Variants in TENT2 observed in about 807,000 individuals in gnomAD.
TENT2 encodes terminal nucleotidyltransferase 2.
In TENT2, 44 loss-of-function variants were observed where a neutral mutation model predicts 72.2. That is an observed-to-expected ratio of 0.61 (90% CI 0.48 to 0.78). The LOEUF is 0.78. Among genes scored for constraint, TENT2 ranks in the 30% least tolerant of loss-of-function variants. TENT2 has a pLI of 0.00. For synonymous variants in TENT2, 212 were observed against 192.5 expected, an observed-to-expected ratio of 1.10 and a Z score of -0.84; for missense variants, 541 against 569.6, an observed-to-expected ratio of 0.95 and a Z score of 0.51.
At chr5:79,668,742 T>C (rs1303644660) in intron 11 of TENT2, 150 bp from the exon 12 acceptor site, 15 of 783,474 alleles carry the variant, frequency 1.9e-5, no homozygotes, top group Admixed American at 2.7e-5. Flanking sequence ...GTGAAGTCTT[T>C]AGTGGAAGAA....
chr5:79,647,856 G>T (rs899046515), intron 8 of TENT2, among the ~76,000 whole-genome samples: 4 of 151,994 alleles, frequency 2.6e-5, no homozygotes, highest in African/African-American at 9.7e-5. Flanking sequence ...GCATATATTT[G>T]CTTTCAAAGA....
Position 79,682,040 on chromosome 5 carries a change from G to T in TENT2, c.1359G>T (p.Met453Ile). 6.2e-7 allele frequency: 1 copy of T among 1,612,718 alleles called. No homozygotes were observed. Among genetic ancestry groups the T allele is most frequent in the Non-Finnish European group, 8.5e-7 (1 of 1,179,136 alleles). ...RAVHEKQKFD[M>I]IKDQFLKSWH... Reference sequence around the variant, plus strand: ...TGCACGAAAAGCAGAAATTTGATATGATCAAGGATCAATTTTTAAAGGTAA... The same window carrying T: ...TGCACGAAAAGCAGAAATTTGATATTATCAAGGATCAATTTTTAAAGGTAA... Residue 453 changes from methionine (M) to isoleucine (I), a missense_variant, in exon 14 of 15, where the codon ATG (methionine) becomes ATT (isoleucine). Coordinates refer to ENST00000453514, the MANE Select transcript of TENT2 (RefSeq NM_001114394.3).
intron 13 of TENT2, chr5:79,681,769 C>T: frequency 2.5e-6 from 1 of 406,828 alleles, no homozygotes; most frequent in African/African-American, 2.0e-5. Context: ...TGATCACCCT[C>T]TCCCTTGAAT....
chr5:79,644,369 T>A (rs115403803), intron 7 of TENT2, among the ~76,000 whole-genome samples: 2,770 of 152,332 alleles, frequency 0.018, 94 homozygotes, highest in African/African-American at 0.062. Flanking sequence ...TTTCTGTAGT[T>A]AAAAAATGAG....
At chr5:79,618,687 AGT>A (rs1762390012) in intron 1 of TENT2, among the ~76,000 whole-genome samples, 1 of 152,032 alleles carries the variant, frequency 6.6e-6, no homozygotes, top group Admixed American at 6.5e-5. Flanking sequence ...GCCTATTTTA[AGT>A]GAGAATATCA....
intron 12 of TENT2, among the ~76,000 whole-genome samples, chr5:79,674,850 A>T (rs1341252067): frequency 6.6e-6 from 1 of 152,224 alleles, no homozygotes; most frequent in African/African-American, 2.4e-5. Flanking sequence ...ATCCAATGGA[A>T]TGTGGTATCT....
chr5:79,647,424 A>G (rs1376675894), intron 8 of TENT2, among the ~76,000 whole-genome samples: 1 of 152,208 alleles, frequency 6.6e-6, no homozygotes, highest in Admixed American at 6.5e-5. Context: ...TTGAGTTACT[A>G]TGTGGATGTA....
At chr5:79,643,197 G>A (rs1217195983) in intron 7 of TENT2, among the ~76,000 whole-genome samples, 21 of 152,040 alleles carry the variant, frequency 1.4e-4, no homozygotes, top group Admixed American at 1.4e-3. Flanking sequence ...GGTTGTTAGG[G>A]AAATTAAAGC....
chr5:79,649,740 C>T (rs1201033310), intron 10 of TENT2, among the ~76,000 whole-genome samples: 1 of 152,046 alleles, frequency 6.6e-6, no homozygotes, highest in Non-Finnish European at 1.5e-5. Context: ...TAGTGGCAAA[C>T]AGTAATAAGT....
At chr5:79,672,779 A>T (rs1487789812) in intron 12 of TENT2, among the ~76,000 whole-genome samples, 1 of 152,162 alleles carries the variant, frequency 6.6e-6, no homozygotes, top group African/African-American at 2.4e-5. Flanking sequence ...GAGAGTGCAG[A>T]TATGTCTTCA....
At chr5:79,633,757 A>T (rs1395996511) in intron 4 of TENT2, among the ~76,000 whole-genome samples, 1 of 150,140 alleles carries the variant, frequency 6.7e-6, no homozygotes, top group African/African-American at 2.5e-5. Flanking sequence ...CTTTTACTCA[A>T]GGGCCCAGCT....
intron 4 of TENT2, 89 bp from the exon 5 acceptor site, chr5:79,640,762 G>A: frequency 1.5e-6 from 1 of 678,346 alleles, no homozygotes; most frequent in Non-Finnish European, 2.5e-6. Context: ...TTAAAATAGT[G>A]TCAGTATAAT....
intron 4 of TENT2, among the ~76,000 whole-genome samples, chr5:79,633,105 A>G: frequency 6.6e-6 from 1 of 152,170 alleles, no homozygotes. Flanking sequence ...TTTGTTTCAG[A>G]ATTGTTTAAT....
At chr5:79,637,204 C>T (rs1780823484) in intron 4 of TENT2, among the ~76,000 whole-genome samples, 1 of 150,450 alleles carries the variant, frequency 6.6e-6, no homozygotes, top group Non-Finnish European at 1.5e-5. Flanking sequence ...GCACTCTAGT[C>T]TGGGAACACA....
chr5:79,635,391 GAA>G (rs1164849921), intron 4 of TENT2, among the ~76,000 whole-genome samples: 2 of 152,096 alleles, frequency 1.3e-5, no homozygotes, highest in African/African-American at 4.8e-5. Flanking sequence ...CCTTGGGAAA[GAA>G]AAAGTGTTTC....
chr5:79,670,536 G>A (rs1812198117), intron 12 of TENT2, among the ~76,000 whole-genome samples: 1 of 151,716 alleles, frequency 6.6e-6, no homozygotes, highest in Admixed American at 6.6e-5. Flanking sequence ...TATGGGCCAG[G>A]CTGGTCTCAA....
At chr5:79,641,760 G>T (rs1784673587) in intron 6 of TENT2, among the ~76,000 whole-genome samples, 1 of 149,906 alleles carries the variant, frequency 6.7e-6, no homozygotes. Flanking sequence ...AGTACAGGTT[G>T]AGTATTCATT....
rs758520279 is a variant in TENT2, at chr5:79,668,958, C to T, written c.1138C>T (p.Leu380Phe). 2 of 1,613,684 alleles carry T rather than the reference C, an allele frequency of 1.2e-6. No individual in the cohort carries two copies. Among genetic ancestry groups the T allele is most frequent in the Admixed American group, 1.7e-5 (1 of 60,014 alleles). The change falls in exon 12 of 15, where the codon CTC (leucine) becomes TTC (phenylalanine). Residue 380 changes from leucine to phenylalanine, a missense_variant. By Grantham distance (22) the Leu-to-Phe change is conservative (BLOSUM62 0). Coordinates refer to ENST00000453514, the MANE Select transcript of TENT2 (RefSeq NM_001114394.3). The part of the protein sequence containing the change: ...HQAPCNVPPY[L>F]SKNESNLGDL... ...AGCTCCATGTAATGTTCCTCCTTACCTCTCAAAGAATGAATCAAACCTTGG... is the reference window on the plus strand; with the variant it reads ...AGCTCCATGTAATGTTCCTCCTTACTTCTCAAAGAATGAATCAAACCTTGG...
chr5:79,646,137 A>G (rs979364285), intron 8 of TENT2, among the ~76,000 whole-genome samples: 13 of 152,056 alleles, frequency 8.5e-5, no homozygotes, highest in Non-Finnish European at 1.3e-4. Context: ...CTTTTTTGCT[A>G]TTTAGAATGG....
Sources: gnomAD v4.1 joint callset for allele counts (sites outside exome capture counted in the v4.1 genomes callset) on GRCh38, gnomAD v4.1.1 for gene constraint, MANE v1.5 for transcripts, NCBI Gene and HGNC (gene_info 2026-07-23, HGNC 2026-07-21) for gene names.